ARHGAP42: variants seen among roughly 807,000 people sequenced by gnomAD.
ARHGAP42 encodes the protein Rho GTPase activating protein 42, also known as rho GTPase-activating protein 42.
A neutral mutation model predicts 125.0 loss-of-function variants in ARHGAP42; 63 were observed. That is an observed-to-expected ratio of 0.50 (90% CI 0.41 to 0.62). The LOEUF is 0.62. ARHGAP42 is among the 20% of genes least tolerant of loss of function. The pLI, the probability that ARHGAP42 is intolerant of heterozygous loss-of-function variation, is 0.00. For missense variants in ARHGAP42, 766 were observed against 1,024.2 expected (o/e 0.75, Z 3.44); for synonymous variants, 339 against 351.0 (o/e 0.97, Z 0.38).
At chr11:100,852,487 AAAATTAGCCAGAAG>A (rs1318851908) in intron 3 of ARHGAP42, among the ~76,000 whole-genome samples, 1 of 152,230 alleles carries the variant, frequency 6.6e-6, no homozygotes, top group African/African-American at 2.4e-5. Context: ...AGAATAGAGC[AAAATTAGCCAGAAG>A]AAATAGCATT....
At chr11:100,872,888 A>G (rs1003572363) in intron 4 of ARHGAP42, among the ~76,000 whole-genome samples, 3 of 152,192 alleles carry the variant, frequency 2.0e-5, no homozygotes, top group Non-Finnish European at 4.4e-5. Flanking sequence ...AAACTAATAT[A>G]TGATGCTTGC....
intron 1 of ARHGAP42, among the ~76,000 whole-genome samples, chr11:100,734,630 A>AT (rs1273291611): frequency 1.3e-5 from 2 of 152,098 alleles, no homozygotes; most frequent in Admixed American, 6.6e-5. Flanking sequence ...GATTTTTGGC[A>AT]TTTTTCTTAA....
chr11:100,859,540 AT>A lies in ARHGAP42; in HGVS notation c.313-8del. The A allele has an allele frequency of 6.5e-7, 1 of 1,528,256 alleles. No individual in the cohort carries two copies. The highest frequency in any genetic ancestry group is 8.8e-7 in the Non-Finnish European group (1 of 1,138,920). 94.7% of individuals were successfully genotyped at this position (1,528,256 alleles called of 1,614,324 possible). ...ATTATGCAAGATTTAATATATGTGCATTTTTTATTTCAGATCCAAAACGCTA... is the reference window on the plus strand; with the variant it reads ...ATTATGCAAGATTTAATATATGTGCATTTTTATTTCAGATCCAAAACGCTA... On this transcript the variant is annotated splice_polypyrimidine_tract_variant and intron_variant, in intron 3 of 23. Transcript: ENST00000298815.
At chr11:100,840,901 A>T (rs954847514) in intron 3 of ARHGAP42, among the ~76,000 whole-genome samples, 1 of 152,170 alleles carries the variant, frequency 6.6e-6, no homozygotes, top group East Asian at 1.9e-4. Flanking sequence ...TGAGTCTGCT[A>T]TTAAACAATT....
intron 3 of ARHGAP42, among the ~76,000 whole-genome samples, chr11:100,824,988 AG>A (rs1172403036): frequency 6.6e-6 from 1 of 152,216 alleles, no homozygotes; most frequent in African/African-American, 2.4e-5. Flanking sequence ...TAATAGACAA[AG>A]GAGGATGGTT....
chr11:100,762,767 C>G (rs762528456), intron 1 of ARHGAP42, among the ~76,000 whole-genome samples: 6 of 151,970 alleles, frequency 3.9e-5, no homozygotes, highest in Non-Finnish European at 8.8e-5. Flanking sequence ...ACAATCTGGC[C>G]CTCATAGTTC....
chr11:100,869,405 CT>C (rs59868766), intron 4 of ARHGAP42, among the ~76,000 whole-genome samples: 40,893 of 146,806 alleles, frequency 0.28, 5,860 homozygotes, highest in South Asian at 0.51. Context: ...AATCTTTCCT[CT>C]TTTTTTTTTT....
chr11:100,965,613 A>G, intron 16 of ARHGAP42, 58 bp from the exon 17 acceptor site: 1 of 1,365,000 alleles, frequency 7.3e-7, no homozygotes, highest in Non-Finnish European at 1.0e-6. Flanking sequence ...ACTAATGTTT[A>G]CATACCCAAT....
chr11:100,927,806 C>G (rs2155443), intron 6 of ARHGAP42, among the ~76,000 whole-genome samples: 118,560 of 152,120 alleles, frequency 0.78, 46,635 homozygotes, highest in East Asian at 1. Flanking sequence ...TGAGGCGATG[C>G]ATGGCCACGG....
chr11:100,838,654 C>T (rs962350679), intron 3 of ARHGAP42, among the ~76,000 whole-genome samples: 3 of 151,642 alleles, frequency 2.0e-5, no homozygotes, highest in Non-Finnish European at 4.4e-5. Flanking sequence ...GATTGTGCTA[C>T]GATACTTTGG....
intron 10 of ARHGAP42, among the ~76,000 whole-genome samples, chr11:100,948,229 A>C (rs759203733): frequency 6.6e-6 from 1 of 152,106 alleles, no homozygotes; most frequent in Non-Finnish European, 1.5e-5. Flanking sequence ...TAATGATTTT[A>C]TCACCTGTGA....
intron 23 of ARHGAP42, among the ~76,000 whole-genome samples, chr11:100,987,806 AAAATAAAT>A (rs5794089): frequency 0.045 from 6,348 of 142,506 alleles, 169 homozygotes; most frequent in Admixed American, 0.076. Flanking sequence ...CCCAACCCAC[AAAATAAAT>A]AAATAAATAA....
At chr11:100,736,425 A>G (rs1862069755) in intron 1 of ARHGAP42, among the ~76,000 whole-genome samples, 2 of 152,158 alleles carry the variant, frequency 1.3e-5, no homozygotes, top group East Asian at 3.9e-4. Context: ...GGGTTGAGAA[A>G]TCTTGGGGCT....
chr11:100,859,095 C>T (rs143651163), intron 3 of ARHGAP42, among the ~76,000 whole-genome samples: 2 of 152,126 alleles, frequency 1.3e-5, no homozygotes, highest in Non-Finnish European at 2.9e-5. Flanking sequence ...TTTGAGGAAT[C>T]TAACTAAATA....
intron 1 of ARHGAP42, among the ~76,000 whole-genome samples, chr11:100,738,131 T>G (rs1156261500): frequency 6.6e-6 from 1 of 152,216 alleles, no homozygotes; most frequent in Non-Finnish European, 1.5e-5. Flanking sequence ...TTTTTTTCTG[T>G]GAGTCAAGAA....
chr11:100,872,581 C>T (rs1161096217), intron 4 of ARHGAP42, among the ~76,000 whole-genome samples: 3 of 151,778 alleles, frequency 2.0e-5, no homozygotes, highest in Non-Finnish European at 4.4e-5. Context: ...TTAGTAGAGA[C>T]GGGGTTTCAC....
intron 1 of ARHGAP42, among the ~76,000 whole-genome samples, chr11:100,755,852 C>T (rs1862562911): frequency 6.6e-6 from 1 of 151,992 alleles, no homozygotes; most frequent in Admixed American, 6.6e-5. Flanking sequence ...TTGTGGTGTT[C>T]AAAGATAGGA....
chr11:100,992,524 T>C lies in ARHGAP42; in HGVS notation c.*3723T>C. On this transcript the variant is annotated 3_prime_UTR_variant, in exon 24 of 24. Coordinates refer to ENST00000298815, the MANE Select transcript of ARHGAP42 (RefSeq NM_152432.4). ...GAAACAAAGATAGTTTTCTGAACAT[T>C]CTGTGTCCTGCCTGTCTCCTGTTGA... The C allele has an allele frequency of 2.5e-6, 4 of 1,614,124 alleles. No homozygotes were observed. Among genetic ancestry groups the C allele is most frequent in the Non-Finnish European group, 3.4e-6 (4 of 1,179,974 alleles).
Position 100,952,131 on chromosome 11 carries a change from T to G in ARHGAP42, c.1162+2175T>G, listed in dbSNP as rs117315325. ...ATTTATTTTAAGCCATATTTTTACT[T>G]GAAGCCTGTTTTTAATCAGTATACA... On this transcript the variant is annotated intron_variant, in intron 12 of 23. Transcript: ENST00000298815. Among the ~76,000 whole-genome samples the G allele has an allele frequency of 6.6e-3, 1,011 of 152,334 alleles. 4 individuals are homozygous for G. Among genetic ancestry groups the G allele is most frequent in the Non-Finnish European group, 0.012 (807 of 68,016 alleles).
Sources: gnomAD v4.1 joint callset for allele counts (sites outside exome capture counted in the v4.1 genomes callset) on GRCh38, gnomAD v4.1.1 for gene constraint, MANE v1.5 for transcripts, NCBI Gene and HGNC (gene_info 2026-07-23, HGNC 2026-07-21) for gene names.